Variants in STAG1 observed in about 807,000 individuals in gnomAD.
STAG1 encodes cohesin subunit SA-1.
A neutral mutation model predicts 170.9 loss-of-function variants in STAG1; 26 were observed. That is an observed-to-expected ratio of 0.15 (90% CI 0.11 to 0.21). The LOEUF (loss-of-function observed/expected upper bound fraction) is 0.21. Ranked by LOEUF, STAG1 falls within the 10% of genes least tolerant of loss-of-function variation. The probability of loss-of-function intolerance (pLI) is 1.00; values close to 1 mark genes in which losing one functional copy is unlikely to be tolerated. For missense variants in STAG1, 964 were observed against 1,509.5 expected (o/e 0.64, Z 5.99); for synonymous variants, 514 against 497.7 (o/e 1.03, Z -0.44).
intron 5 of STAG1, among the ~76,000 whole-genome samples, chr3:136,564,008 A>G (rs1936955606): frequency 1.5e-5 from 1 of 65,390 alleles, no homozygotes. Flanking sequence ...GGGTGACAGA[A>G]TAAGACTGTC....
At chr3:136,650,193 G>A (rs1234355565) in intron 1 of STAG1, among the ~76,000 whole-genome samples, 2 of 149,586 alleles carry the variant, frequency 1.3e-5, no homozygotes, top group Admixed American at 6.7e-5. Flanking sequence ...CTATGGTTGC[G>A]CAACTGTACT....
At chr3:136,672,499 A>C (rs1559942500) in intron 1 of STAG1, among the ~76,000 whole-genome samples, 1 of 152,198 alleles carries the variant, frequency 6.6e-6, no homozygotes, top group East Asian at 1.9e-4. Flanking sequence ...TGTAGTTTAG[A>C]GAGAGAAAAA....
At chr3:136,469,529 T>A (rs375182335) in intron 12 of STAG1, among the ~76,000 whole-genome samples, 2 of 152,136 alleles carry the variant, frequency 1.3e-5, no homozygotes, top group Non-Finnish European at 2.9e-5. Flanking sequence ...TGGATAGGAA[T>A]AATCAATATC....
intron 15 of STAG1, among the ~76,000 whole-genome samples, chr3:136,435,515 G>C (rs1290335521): frequency 2.0e-5 from 3 of 151,682 alleles, no homozygotes; most frequent in African/African-American, 7.3e-5. Context: ...ATATCTCCCA[G>C]AACTCTCTCA....
In STAG1 at chr3:136,357,772, C is replaced by T; in HGVS notation, c.3013G>A (p.Glu1005Lys). The T allele has an allele frequency of 6.2e-7, 1 of 1,608,118 alleles. No individual in the cohort carries two copies. The highest frequency in any genetic ancestry group is 8.5e-7 in the Non-Finnish European group (1 of 1,178,164). Residue 1005 changes from glutamate (E) to lysine (K), a missense_variant, in exon 28 of 34, where the codon GAA becomes AAA. Physicochemically the swap from Glu to Lys is moderately conservative, Grantham distance 56 (BLOSUM62 1). Transcript: ENST00000383202. Reference sequence around the variant, plus strand: ...TTAGAAGAAAATTCACTTAGTACTTCAAGAAAAGCCAGATTAGGAGGTGGA... The same window carrying T: ...TTAGAAGAAAATTCACTTAGTACTTTAAGAAAAGCCAGATTAGGAGGTGGA... ...EYPPPNLAFL[E>K]VLSEFSSKLL...
intron 8 of STAG1, among the ~76,000 whole-genome samples, chr3:136,500,758 C>G (rs1279057150): frequency 6.6e-6 from 1 of 152,152 alleles, no homozygotes; most frequent in Non-Finnish European, 1.5e-5. Context: ...TAACAGACAG[C>G]AGGCCAAGTT....
At chr3:136,614,051 C>T (rs752550299) in intron 3 of STAG1, among the ~76,000 whole-genome samples, 8 of 152,104 alleles carry the variant, frequency 5.3e-5, no homozygotes, top group Non-Finnish European at 8.8e-5. Flanking sequence ...CCCGTCTACA[C>T]TAAAAATACA....
At chr3:136,618,834 C>T (rs1445214985) in intron 3 of STAG1, among the ~76,000 whole-genome samples, 1 of 151,970 alleles carries the variant, frequency 6.6e-6, no homozygotes, top group Non-Finnish European at 1.5e-5. Flanking sequence ...GAAAAAATGT[C>T]CTTGACTGCA....
chr3:136,704,765 G>A (rs934036095), intron 1 of STAG1, among the ~76,000 whole-genome samples: 27 of 140,724 alleles, frequency 1.9e-4, no homozygotes, highest in African/African-American at 6.8e-4. Context: ...GGGGGTTGCA[G>A]TGAGCTGAGA....
chr3:136,544,315 T>G (rs1936044915), intron 5 of STAG1, among the ~76,000 whole-genome samples: 1 of 152,190 alleles, frequency 6.6e-6, no homozygotes, highest in African/African-American at 2.4e-5. Flanking sequence ...CCTCCTCTAT[T>G]CTATGATGTC....
intron 1 of STAG1, among the ~76,000 whole-genome samples, chr3:136,701,782 T>C (rs915223726): frequency 6.6e-6 from 1 of 152,152 alleles, no homozygotes; most frequent in African/African-American, 2.4e-5. Flanking sequence ...ACTCCTTCTT[T>C]ATAGGCACTG....
intron 5 of STAG1, among the ~76,000 whole-genome samples, chr3:136,545,286 T>G (rs1448381500): frequency 6.6e-6 from 1 of 152,146 alleles, no homozygotes; most frequent in African/African-American, 2.4e-5. Context: ...GCCAGGCTGG[T>G]CTCGAACTCC....
At chr3:136,619,779 A>AAAAT (rs1939762947) in intron 3 of STAG1, among the ~76,000 whole-genome samples, 1 of 149,742 alleles carries the variant, frequency 6.7e-6, no homozygotes, top group South Asian at 2.1e-4. Flanking sequence ...AAAAAAAAAA[A>AAAAT]GGAGAGGCCG....
chr3:136,601,607 G>A (rs1399009297), intron 4 of STAG1, among the ~76,000 whole-genome samples: 1 of 152,154 alleles, frequency 6.6e-6, no homozygotes, highest in Non-Finnish European at 1.5e-5. Context: ...TTGAGGTCAG[G>A]AGTTTGAGAG....
intron 23 of STAG1, among the ~76,000 whole-genome samples, chr3:136,374,839 G>A: frequency 6.6e-6 from 1 of 152,232 alleles, no homozygotes; most frequent in Non-Finnish European, 1.5e-5. Context: ...GTATAGTAAT[G>A]TCTTAGGCCT....
intron 27 of STAG1, 138 bp from the exon 28 acceptor site, chr3:136,357,986 A>C (rs1303193163): frequency 8.9e-6 from 6 of 677,934 alleles, no homozygotes; most frequent in Non-Finnish European, 1.5e-5. Context: ...ATAATAAACT[A>C]ATGTGAATAT....
At chr3:136,487,725 T>C (rs2090045487) in intron 9 of STAG1, among the ~76,000 whole-genome samples, 1 of 152,206 alleles carries the variant, frequency 6.6e-6, no homozygotes, top group South Asian at 2.1e-4. Flanking sequence ...TTGAAGGATG[T>C]CCACAAATTC....
chr3:136,634,922 C>G (rs140747880), intron 1 of STAG1, among the ~76,000 whole-genome samples: 2 of 152,052 alleles, frequency 1.3e-5, no homozygotes, highest in East Asian at 3.9e-4. Context: ...TAGAAATGCA[C>G]AAATCGTCAA....
At chr3:136,689,310 A>T (rs1254321329) in intron 1 of STAG1, among the ~76,000 whole-genome samples, 1 of 152,248 alleles carries the variant, frequency 6.6e-6, no homozygotes, top group Non-Finnish European at 1.5e-5. Context: ...TACAATCTCC[A>T]GGAAGAATGT....
Sources: gnomAD v4.1 joint callset for allele counts (sites outside exome capture counted in the v4.1 genomes callset) on GRCh38, gnomAD v4.1.1 for gene constraint, MANE v1.5 for transcripts, NCBI Gene and HGNC (gene_info 2026-07-23, HGNC 2026-07-21) for gene names.